Variants in CLEC12B observed in about 807,000 individuals in gnomAD.
The protein encoded by CLEC12B is C-type lectin domain family 12 member B, also known as macrophage antigen h.
A neutral mutation model predicts 36.1 loss-of-function variants in CLEC12B; 25 were observed. The ratio of observed to expected loss-of-function variants is 0.69; its 90% CI spans 0.50 to 0.97. The LOEUF (loss-of-function observed/expected upper bound fraction) is 0.97. CLEC12B is among the 50% of genes least tolerant of loss of function. The pLI is 0.00. For missense variants in CLEC12B, 325 were observed against 318.4 expected (o/e 1.02, Z -0.16); for synonymous variants, 110 against 108.5 (o/e 1.01, Z -0.09).
upstream of CLEC12B, among the ~76,000 whole-genome samples, chr12:10,006,858 A>G (rs986966151): frequency 6.6e-6 from 1 of 152,074 alleles, no homozygotes; most frequent in South Asian, 2.1e-4. Flanking sequence ...GATCGAGACC[A>G]TCCTGGCTAA....
At chr12:10,010,181 GTCTC>G (rs1343375557), upstream of CLEC12B, among the ~76,000 whole-genome samples, 1 of 99,430 alleles carries the variant, frequency 1.0e-5, no homozygotes, top group Non-Finnish European at 2.0e-5. Context: ...CTCTCTCTCT[GTCTC>G]TCTCTGTCTC....
intron 2 of CLEC12B, chr12:10,013,418 C>T (rs1450791046): frequency 1.3e-5 from 2 of 157,140 alleles, no homozygotes; most frequent in Non-Finnish European, 2.8e-5. Flanking sequence ...GAGAGTTGAA[C>T]CATCTCCACA....
In CLEC12B at chr12:10,010,846, A is replaced by G; in HGVS notation, c.87A>G (p.Lys29=). 1 of 1,605,522 alleles carries G rather than the reference A, an allele frequency of 6.2e-7. No individual in the cohort carries two copies. The highest frequency in any genetic ancestry group is 8.5e-7 in the Non-Finnish European group (1 of 1,173,132). The change falls in exon 1 of 6, where the codon AAA becomes AAG. Residue 29 remains lysine, a synonymous_variant. Coordinates refer to ENST00000338896, the MANE Select transcript of CLEC12B (RefSeq NM_001129998.3). ...RNNRDGNNLR[K]RGHPAPSPIW... is the part of the protein sequence containing the mutation. ...ACCGAGATGGAAATAACCTAAGAAA[A>G]AGAGGTAGGAGTTCAGAGAAGACCA...
rs1291066385 is a variant in CLEC12B at position 10,012,800 on chromosome 12, C to T, written c.107C>T (p.Ser36Phe). Residue 36 changes from serine (S) to phenylalanine (F), a missense_variant, in exon 2 of 6, where the codon TCT (serine) becomes TTT (phenylalanine). Ser to Phe is a radical substitution (Grantham distance 155, BLOSUM62 -2). Transcript: ENST00000338896. ...NLRKRGHPAP[S>F]PIWRHAALGL... ...CTTTCTCCAGGGCATCCAGCTCCAT[C>T]TCCCATTTGGCGTCATGCTGCTCTG... The T allele has an allele frequency of 2.5e-6, 4 of 1,613,504 alleles. No individual in the cohort carries two copies. The highest frequency in any genetic ancestry group is 2.5e-6 in the Non-Finnish European group (3 of 1,179,794).
Position 10,018,365 on chromosome 12 carries a change from T to A in CLEC12B, c.715T>A (p.Ser239Thr). 2 of 1,526,620 alleles carry A rather than the reference T, an allele frequency of 1.3e-6. No homozygotes were observed. Among genetic ancestry groups the A allele is most frequent in the Non-Finnish European group, 1.8e-6 (2 of 1,125,476 alleles). The allele number at this position is 1,526,620 out of a possible 1,614,324, so 94.6% of individuals were successfully genotyped here. The change falls in exon 6 of 6, where the codon TCC becomes ACC. Residue 239 changes from serine to threonine, a missense_variant. Transcript: ENST00000338896. Reference sequence around the variant, plus strand: ...TAAAGAACTTGACCAGATCAATGGATCCAAAGGATGTGCTTATTTTCAAAA... The same window carrying A: ...TAAAGAACTTGACCAGATCAATGGAACCAAAGGATGTGCTTATTTTCAAAA... ...STKELDQING[S>T]KGCAYFQKGN... is the part of the protein sequence containing the mutation.
chr12:10,006,927 C>A (rs1485544017), upstream of CLEC12B, among the ~76,000 whole-genome samples: 1 of 151,718 alleles, frequency 6.6e-6, no homozygotes, highest in Non-Finnish European at 1.5e-5. Flanking sequence ...GGGTGGCAGG[C>A]GCCTGTAGTC....
rs1422313112 is a variant in CLEC12B, at chr12:10,018,497, T to A, written c.*16T>A. The A allele has an allele frequency of 6.5e-7, 1 of 1,546,476 alleles. No homozygotes were observed. Among genetic ancestry groups the A allele is most frequent in the African/African-American group, 1.4e-5 (1 of 72,640 alleles). On this transcript the variant is annotated 3_prime_UTR_variant, in exon 6 of 6. Transcript: ENST00000338896. ...TTTGGATTAGTATGCTTCTTCCAAA[T>A]TCTCCAAGAAGTAAGAGACTTGTGA...
upstream of CLEC12B, among the ~76,000 whole-genome samples, chr12:10,008,407 G>A (rs559790482): frequency 6.6e-6 from 1 of 152,264 alleles, no homozygotes; most frequent in Non-Finnish European, 1.5e-5. Flanking sequence ...TTCAAGAACT[G>A]AGAGCCCATA....
intron 5 of CLEC12B, chr12:10,017,828 T>C (rs1305332481): frequency 1.0e-6 from 1 of 958,146 alleles, no homozygotes; most frequent in African/African-American, 1.8e-5. Flanking sequence ...CAGAACCATA[T>C]CTATATAGTC....
At chr12:10,017,719 T>C (rs1644199204) in intron 5 of CLEC12B, 1 of 906,248 alleles carries the variant, frequency 1.1e-6, no homozygotes, top group African/African-American at 1.8e-5. Flanking sequence ...AAAACAATGT[T>C]GGGCACAAAG....
Position 10,018,691 on chromosome 12 carries a change from C to G in CLEC12B, c.*210C>G. ...TTATTATTCGGTCTTAAAATTATAC[C>G]TGGGGACAAAGGGGAATAGCCATAC... On this transcript the variant is annotated 3_prime_UTR_variant, in exon 6 of 6. Coordinates refer to ENST00000338896, the MANE Select transcript of CLEC12B (RefSeq NM_001129998.3). 1 of 525,716 alleles carries G rather than the reference C, an allele frequency of 1.9e-6. No individual in the cohort carries two copies. The highest frequency in any genetic ancestry group is 3.3e-6 in the Non-Finnish European group (1 of 301,162). The allele number at this position is 525,716 out of a possible 1,614,324, so 32.6% of individuals were successfully genotyped here.
In CLEC12B at chr12:10,015,593, T is replaced by C; in HGVS notation, c.565-19T>C. Reference sequence around the variant, plus strand: ...AATGTGGCGCTCACGTAAAACTTTTTCTCTGTTTTCTCTCTTAGGATTTTC... The same window carrying C: ...AATGTGGCGCTCACGTAAAACTTTTCCTCTGTTTTCTCTCTTAGGATTTTC... On this transcript the variant is annotated intron_variant, in intron 4 of 5. Coordinates refer to ENST00000338896, the MANE Select transcript of CLEC12B (RefSeq NM_001129998.3). 6.2e-7 allele frequency: 1 copy of C among 1,613,166 alleles called. No homozygotes were observed. The highest frequency in any genetic ancestry group is 8.5e-7 in the Non-Finnish European group (1 of 1,179,470).
At chr12:10,015,873 A>T in intron 5 of CLEC12B, 146 bp downstream of exon 5, 3 of 1,476,422 alleles carry the variant, frequency 2.0e-6, no homozygotes, top group Non-Finnish European at 2.7e-6. Flanking sequence ...TATTGAAAGG[A>T]GGTATAGTTC....
chr12:10,008,063 A>G (rs1865251722), upstream of CLEC12B, among the ~76,000 whole-genome samples: 1 of 152,160 alleles, frequency 6.6e-6, no homozygotes, highest in African/African-American at 2.4e-5. Flanking sequence ...TCATGGAAGA[A>G]TTTCTCATAT....
chr12:10,010,697 G>A lies in CLEC12B; in HGVS notation c.-63G>A, dbSNP rs1005436245. ...CTCCCAGCCTTGAAAAACACATGCT[G>A]TTCCCAGGCCTCAAGATATTGAAAC... is the stretch of plus-strand genomic sequence containing the variant. On this transcript the variant is annotated 5_prime_UTR_variant, in exon 1 of 6. Coordinates refer to ENST00000338896, the MANE Select transcript of CLEC12B (RefSeq NM_001129998.3). 2.7e-6 allele frequency: 3 copies of A among 1,098,492 alleles called. No individual in the cohort carries two copies. In the East Asian group the frequency reaches 7.5e-5, roughly 27 times the overall value. The allele number at this position is 1,098,492 out of a possible 1,614,324, so 68.0% of individuals were successfully genotyped here.
Position 10,015,731 on chromosome 12 carries a change from C to T in CLEC12B, c.680+4C>T, listed in dbSNP as rs147703765. On this transcript the variant is annotated splice_donor_region_variant and intron_variant, in intron 5 of 5. Coordinates refer to ENST00000338896, the MANE Select transcript of CLEC12B (RefSeq NM_001129998.3). Reference sequence around the variant, plus strand: ...GCTCTGTTCCCTCTCCATCCTTGTACGTCTCTAACTATTGAGGGTAAACAC... The same window carrying T: ...GCTCTGTTCCCTCTCCATCCTTGTATGTCTCTAACTATTGAGGGTAAACAC... 4.1e-5 allele frequency: 66 copies of T among 1,613,192 alleles called. No homozygotes were observed. The highest frequency in any genetic ancestry group is 1.5e-4 in the South Asian group (14 of 91,018).
intron 5 of CLEC12B, chr12:10,018,078 G>T (rs998842855): frequency 4.2e-6 from 3 of 706,094 alleles, no homozygotes; most frequent in African/African-American, 3.8e-5. Flanking sequence ...CAAATTCTCA[G>T]TCCAGGATTT....
At chr12:10,017,962 A>AT (rs1565582400) in intron 5 of CLEC12B, 2 of 955,750 alleles carry the variant, frequency 2.1e-6, no homozygotes, top group East Asian at 1.1e-4. Flanking sequence ...ATGTGATTTT[A>AT]TTTTTATGTT....
chr12:10,014,822 T>C, intron 3 of CLEC12B, 81 bp downstream of exon 3: 1 of 894,000 alleles, frequency 1.1e-6, no homozygotes, highest in Non-Finnish European at 1.8e-6. Flanking sequence ...CACCTAAGAG[T>C]ATTGAGAGAG....
Sources: gnomAD v4.1 joint callset for allele counts (sites outside exome capture counted in the v4.1 genomes callset) on GRCh38, gnomAD v4.1.1 for gene constraint, MANE v1.5 for transcripts, NCBI Gene and HGNC (gene_info 2026-07-23, HGNC 2026-07-21) for gene names.